PTPN1: variants seen among roughly 807,000 people sequenced by gnomAD.
PTPN1 encodes the protein tyrosine-protein phosphatase non-receptor type 1.
In PTPN1, 12 loss-of-function variants were observed where a neutral mutation model predicts 59.9. The ratio of observed to expected loss-of-function variants is 0.20; its 90% CI spans 0.13 to 0.32. The LOEUF (loss-of-function observed/expected upper bound fraction) is 0.32, where lower values mean the gene tolerates loss of function less well. PTPN1 is among the 10% of genes least tolerant of loss of function. The pLI is 1.00. For synonymous variants in PTPN1, 178 were observed against 203.6 expected, an observed-to-expected ratio of 0.87 and a Z score of 1.07; for missense variants, 356 against 549.2, an observed-to-expected ratio of 0.65 and a Z score of 3.52.
At position 50,561,466 on chromosome 20, in the gene PTPN1, G is replaced by A. The variant is rs371319424; in HGVS notation, c.154+13G>A. On this transcript the variant is annotated intron_variant, in intron 2 of 9. Transcript: ENST00000371621. ...GACGTCAGTCCCTGTAAGTATCCAC[G>A]TGGCCGGTACCAGTCTTGCTCTTCC... 11 of 1,570,114 alleles carry A rather than the reference G, an allele frequency of 7.0e-6. No homozygotes were observed. The highest frequency in any genetic ancestry group is 2.7e-5 in the African/African-American group (2 of 73,616).
At chr20:50,516,120 A>T (rs2082527821) in intron 1 of PTPN1, among the ~76,000 whole-genome samples, 1 of 152,190 alleles carries the variant, frequency 6.6e-6, no homozygotes, top group Non-Finnish European at 1.5e-5. Flanking sequence ...ACTGGTTCTC[A>T]CAAGCCTAGC....
At chr20:50,526,495 A>C (rs1194143534) in intron 1 of PTPN1, among the ~76,000 whole-genome samples, 2 of 152,010 alleles carry the variant, frequency 1.3e-5, no homozygotes, top group African/African-American at 4.8e-5. Context: ...ATGTCAGTGC[A>C]TTTGGGCAGC....
intron 1 of PTPN1, among the ~76,000 whole-genome samples, chr20:50,523,508 C>T (rs763205920): frequency 4.6e-5 from 7 of 152,298 alleles, no homozygotes; most frequent in Admixed American, 1.3e-4. Flanking sequence ...TTTTGTCAAT[C>T]TTTCATTTGC....
chr20:50,579,357 G>A (rs1389913269), intron 7 of PTPN1, 28 bp downstream of exon 7: 1 of 1,593,254 alleles, frequency 6.3e-7, no homozygotes, highest in Non-Finnish European at 8.6e-7. Flanking sequence ...TTGAATCCAG[G>A]TGTGACCATT....
At position 50,554,380 on chromosome 20, in the gene PTPN1, ATC is replaced by A. The variant is rs1555829975; in HGVS notation, c.64-6956_64-6955del. ...CCAGCCTAGGCAACAGCAAGACCACATCTCTCTCTCTCTCTCTCTCTCTCTCT... is the reference window on the plus strand; with the variant it reads ...CCAGCCTAGGCAACAGCAAGACCACATCTCTCTCTCTCTCTCTCTCTCTCT... On this transcript the variant is annotated intron_variant, in intron 1 of 9. Transcript: ENST00000371621. Among the ~76,000 whole-genome samples, 89 of 140,088 alleles carry A rather than the reference ATC, an allele frequency of 6.4e-4. 1 individual carries two copies. The highest frequency in any genetic ancestry group is 7.8e-4 in the Admixed American group (11 of 14,068). The allele number at this position is 140,088 out of a possible 152,430, so 91.9% of individuals were successfully genotyped here.
At chr20:50,522,727 C>T (rs1489961892) in intron 1 of PTPN1, among the ~76,000 whole-genome samples, 1 of 152,060 alleles carries the variant, frequency 6.6e-6, no homozygotes, top group African/African-American at 2.4e-5. Flanking sequence ...AGTTTTGTAC[C>T]TTTCTCCAGA....
chr20:50,544,429 T>C (rs575371670), intron 1 of PTPN1, among the ~76,000 whole-genome samples: 1 of 152,232 alleles, frequency 6.6e-6, no homozygotes, highest in Non-Finnish European at 1.5e-5. Context: ...GTGCTGGTAT[T>C]ACAGGTGTAA....
chr20:50,554,570 A>T (rs1247780499), intron 1 of PTPN1, among the ~76,000 whole-genome samples: 1 of 152,226 alleles, frequency 6.6e-6, no homozygotes, highest in Non-Finnish European at 1.5e-5. Flanking sequence ...TAAAAGTGAC[A>T]TACATAGATA....
intron 4 of PTPN1, chr20:50,571,903 C>T (rs1052021773): frequency 2.0e-5 from 3 of 152,208 alleles, no homozygotes; most frequent in Non-Finnish European, 4.4e-5. Flanking sequence ...CTGCCGTTTG[C>T]TTTCAGGTGC....
chr20:50,513,138 G>A (rs185955356), intron 1 of PTPN1, among the ~76,000 whole-genome samples: 5 of 152,310 alleles, frequency 3.3e-5, no homozygotes, highest in African/African-American at 1.2e-4. Flanking sequence ...TTTAGGCAGA[G>A]ATTCTTTGCT....
At chr20:50,525,387 T>A (rs1222688210) in intron 1 of PTPN1, among the ~76,000 whole-genome samples, 2 of 152,234 alleles carry the variant, frequency 1.3e-5, no homozygotes, top group Non-Finnish European at 2.9e-5. Flanking sequence ...AATACAAAAA[T>A]TATGTTGATT....
At chr20:50,529,977 C>T (rs1335608487) in intron 1 of PTPN1, among the ~76,000 whole-genome samples, 2 of 152,022 alleles carry the variant, frequency 1.3e-5, no homozygotes, top group Admixed American at 6.6e-5. Context: ...CAGGTTCAAG[C>T]GATTCTCGTG....
At chr20:50,533,163 G>A (rs967694282) in intron 1 of PTPN1, among the ~76,000 whole-genome samples, 5 of 151,780 alleles carry the variant, frequency 3.3e-5, no homozygotes, top group Non-Finnish European at 5.9e-5. Flanking sequence ...TAAATGTTGT[G>A]GCAGAGTTAT....
intron 4 of PTPN1, chr20:50,571,093 C>G (rs1246264991): frequency 6.6e-6 from 1 of 152,234 alleles, no homozygotes; most frequent in African/African-American, 2.4e-5. Flanking sequence ...GTGTCCAGCG[C>G]TGTAGTTATG....
chr20:50,510,649 C>G, intron 1 of PTPN1, 59 bp downstream of exon 1: 1 of 1,513,146 alleles, frequency 6.6e-7, no homozygotes, highest in East Asian at 2.5e-5. Context: ...AACATCCCCT[C>G]AGACCTCCAG....
At chr20:50,545,374 G>A (rs554522226) in intron 1 of PTPN1, among the ~76,000 whole-genome samples, 2 of 152,280 alleles carry the variant, frequency 1.3e-5, no homozygotes, top group South Asian at 2.1e-4. Context: ...TTCTTGTAAC[G>A]TCATGACAAG....
At chr20:50,518,658 G>GC (rs985617471) in intron 1 of PTPN1, among the ~76,000 whole-genome samples, 1 of 151,972 alleles carries the variant, frequency 6.6e-6, no homozygotes, top group Admixed American at 6.6e-5. Context: ...TTGCTTTGTT[G>GC]TTTTTACTCT....
At chr20:50,528,531 T>C (rs2082587049) in intron 1 of PTPN1, among the ~76,000 whole-genome samples, 1 of 151,952 alleles carries the variant, frequency 6.6e-6, no homozygotes, top group African/African-American at 2.4e-5. Flanking sequence ...CTGGCCAACA[T>C]GGTGAAACCC....
At chr20:50,566,575 A>G (rs1362130793) in intron 3 of PTPN1, among the ~76,000 whole-genome samples, 2 of 151,910 alleles carry the variant, frequency 1.3e-5, no homozygotes, top group African/African-American at 4.8e-5. Context: ...TGACCGAAAC[A>G]TTTCCCCAGT....
Sources: allele counts gnomAD v4.1 joint callset (sites outside exome capture counted in the v4.1 genomes callset), GRCh38; gene constraint gnomAD v4.1.1; transcripts MANE v1.5; gene names NCBI Gene and HGNC (gene_info 2026-07-23, HGNC 2026-07-21).